Variants in SLC35F6 observed in about 807,000 individuals in gnomAD.
The protein encoded by SLC35F6 is ANT2-binding protein.
In SLC35F6, 26 loss-of-function variants were observed where a neutral mutation model predicts 29.4. The observed-to-expected ratio is 0.89, with a 90% confidence interval of 0.65 to 1.23. The LOEUF (loss-of-function observed/expected upper bound fraction) is 1.23. SLC35F6 is among the 50% of genes most tolerant of loss of function. The pLI, the probability that SLC35F6 is intolerant of heterozygous loss-of-function variation, is 0.00. For missense variants in SLC35F6, 428 were observed against 487.8 expected, an observed-to-expected ratio of 0.88 and a Z score of 1.15; for synonymous variants, 174 against 206.6, an observed-to-expected ratio of 0.84 and a Z score of 1.35.
chr2:26,764,620 G>A (rs2304337), intron 1 of SLC35F6, among the ~76,000 whole-genome samples, 194 bp downstream of exon 1: 2 of 151,884 alleles, frequency 1.3e-5, no homozygotes, highest in South Asian at 2.1e-4. Flanking sequence ...CGGACGGGGG[G>A]ATCCGAGCCC....
At chr2:26,777,561 G>A (rs1277457683) in intron 5 of SLC35F6, among the ~76,000 whole-genome samples, 2 of 152,182 alleles carry the variant, frequency 1.3e-5, no homozygotes, top group African/African-American at 4.8e-5. Flanking sequence ...GTGAAGCAGT[G>A]CATGGACTTA....
chr2:26,774,160 C>CTGGGCCTCTTGACATTGAGAGGTG (rs1664254426), intron 1 of SLC35F6, 91 bp from the exon 2 acceptor site: 1 of 1,509,228 alleles, frequency 6.6e-7, no homozygotes, highest in Non-Finnish European at 9.1e-7. Flanking sequence ...TCACCCAGGT[C>CTGGGCCTCTTGACATTGAGAGGTG]TGGGCCTCTT....
intron 1 of SLC35F6, among the ~76,000 whole-genome samples, chr2:26,767,160 C>T (rs1166950326): frequency 6.6e-6 from 1 of 152,192 alleles, no homozygotes; most frequent in Non-Finnish European, 1.5e-5. Flanking sequence ...CTGGGAGTTT[C>T]CTCTCACAGC....
chr2:26,772,037 C>A (rs1293428627), intron 1 of SLC35F6, among the ~76,000 whole-genome samples: 7 of 152,198 alleles, frequency 4.6e-5, no homozygotes, highest in Admixed American at 4.6e-4. Context: ...CCCTGCCATT[C>A]CCAAGAACCA....
At chr2:26,766,905 C>T (rs1664106158) in intron 1 of SLC35F6, among the ~76,000 whole-genome samples, 1 of 152,230 alleles carries the variant, frequency 6.6e-6, no homozygotes, top group Admixed American at 6.5e-5. Flanking sequence ...CTGGCTCTAG[C>T]ATCCATGCTC....
At chr2:26,770,905 A>G (rs1664185843) in intron 1 of SLC35F6, among the ~76,000 whole-genome samples, 1 of 152,198 alleles carries the variant, frequency 6.6e-6, no homozygotes, top group Non-Finnish European at 1.5e-5. Flanking sequence ...ACCTGTCTCC[A>G]ATCCAGGATG....
Position 26,775,664 on chromosome 2 carries a change from G to A in SLC35F6, c.523G>A (p.Glu175Lys), listed in dbSNP as rs1027342037. 4.4e-6 allele frequency: 7 copies of A among 1,583,954 alleles called. No individual in the cohort carries two copies. The highest frequency in any genetic ancestry group is 2.3e-5 in the East Asian group (1 of 43,460). The change falls in exon 4 of 6, where the codon GAA becomes AAA. Residue 175 changes from glutamate to lysine, a missense_variant. Coordinates refer to ENST00000344420, the MANE Select transcript of SLC35F6 (RefSeq NM_017877.4). The surrounding 1 kb of genome is among the most constrained non-coding windows in gnomAD (Gnocchi z 4.6). ...GCACGACAGTCAGCACAAGCTCAGC[G>A]AAGTGATCACAGGTGCGGCCAGGGG... is the stretch of plus-strand genomic sequence containing the variant. ...SKHDSQHKLS[E>K]VITGDLLIIM...
At chr2:26,776,717 G>T (rs1485020928) in intron 5 of SLC35F6, among the ~76,000 whole-genome samples, 1 of 152,178 alleles carries the variant, frequency 6.6e-6, no homozygotes, top group Non-Finnish European at 1.5e-5. Flanking sequence ...AGGAAGAAAG[G>T]GCAGTCAGTG....
chr2:26,773,079 A>G (rs1664226779), intron 1 of SLC35F6, among the ~76,000 whole-genome samples: 1 of 152,116 alleles, frequency 6.6e-6, no homozygotes, highest in African/African-American at 2.4e-5. Context: ...GTATTAAGTC[A>G]TTTCCCAGGA....
At position 26,778,630 on chromosome 2, in the gene SLC35F6, G is replaced by A; in HGVS notation, c.*119G>A. The A allele has an allele frequency of 1.0e-6, 1 of 960,558 alleles. No individual in the cohort carries two copies. Among genetic ancestry groups the A allele is most frequent in the Non-Finnish European group, 1.5e-6 (1 of 666,096 alleles). 59.5% of individuals were successfully genotyped at this position (960,558 alleles called of 1,614,324 possible). On this transcript the variant is annotated 3_prime_UTR_variant, in exon 6 of 6. Coordinates refer to ENST00000344420, the MANE Select transcript of SLC35F6 (RefSeq NM_017877.4). ...GGCCTCACCCTGTCCCCTCCCTGCA[G>A]AACCCCCAGGGCAGCTGCTGCCACA... is the stretch of plus-strand genomic sequence containing the variant.
At chr2:26,777,147 C>T (rs1359455037) in intron 5 of SLC35F6, among the ~76,000 whole-genome samples, 2 of 152,134 alleles carry the variant, frequency 1.3e-5, no homozygotes, top group African/African-American at 4.8e-5. Flanking sequence ...TGCAGCAAGC[C>T]GAGATTGCGC....
chr2:26,764,500 C>G, intron 1 of SLC35F6, 74 bp downstream of exon 1: 3 of 1,516,526 alleles, frequency 2.0e-6, no homozygotes. Context: ...CCCTTCTTGG[C>G]CCTGCCCTCC....
At chr2:26,766,321 G>A (rs1016870411) in intron 1 of SLC35F6, among the ~76,000 whole-genome samples, 5 of 152,228 alleles carry the variant, frequency 3.3e-5, no homozygotes, top group South Asian at 2.1e-4. Context: ...TTTCTGGCCC[G>A]GCGCGGTGGC....
In SLC35F6 at chr2:26,775,770, T is replaced by C. The variant is rs1410652500; in HGVS notation, c.535+94T>C. 5 of 1,367,914 alleles carry C rather than the reference T, an allele frequency of 3.7e-6. No homozygotes were observed. The East Asian group carries it at 7.5e-5, about 21-fold the overall frequency. 84.7% of individuals were successfully genotyped at this position (1,367,914 alleles called of 1,614,324 possible). A position where few individuals can be genotyped will look rare whatever the true frequency, so the allele number is the denominator to read the frequency against. ...CTCATACAAGCTCTGCCATGTGCCA[T>C]ATACCAAGCCCTGGGTGAGGTGGGT... On this transcript the variant is annotated intron_variant, in intron 4 of 5. Transcript: ENST00000344420. The surrounding 1 kb of genome is among the most constrained non-coding windows in gnomAD (Gnocchi z 4.6).
intron 5 of SLC35F6, 64 bp from the exon 6 acceptor site, chr2:26,777,978 C>T (rs1179184158): frequency 6.7e-7 from 1 of 1,492,540 alleles, no homozygotes. Context: ...GGAGGCTAAG[C>T]CGGTGGGCTG....
chr2:26,767,828 G>A (rs1248496013), intron 1 of SLC35F6, among the ~76,000 whole-genome samples: 12 of 152,130 alleles, frequency 7.9e-5, no homozygotes, highest in Non-Finnish European at 2.9e-5. Flanking sequence ...ACAACATAGG[G>A]AGACCTCGTT....
At chr2:26,764,960 C>G (rs1429012424) in intron 1 of SLC35F6, 113 of 985,310 alleles carry the variant, frequency 1.1e-4, no homozygotes, top group Middle Eastern at 5.2e-4. Flanking sequence ...TACGGAAAGG[C>G]CAGATCAAAG....
chr2:26,765,027 TG>T (rs1664072575), intron 1 of SLC35F6: 11 of 984,188 alleles, frequency 1.1e-5, no homozygotes, highest in Non-Finnish European at 1.3e-5. Context: ...ATCAGAAAAG[TG>T]CTTTTGAGCT....
intron 1 of SLC35F6, among the ~76,000 whole-genome samples, chr2:26,771,363 TC>T (rs1664193230): frequency 6.6e-6 from 1 of 152,228 alleles, no homozygotes; most frequent in Non-Finnish European, 1.5e-5. Context: ...AAGCTTCTGA[TC>T]AACCTTCATG....
Sources: allele counts gnomAD v4.1 joint callset (sites outside exome capture counted in the v4.1 genomes callset), GRCh38; gene constraint gnomAD v4.1.1; non-coding constraint Gnocchi (gnomAD v3.1); transcripts MANE v1.5; gene names NCBI Gene and HGNC (gene_info 2026-07-23, HGNC 2026-07-21).